The following DNAH9 variants were observed in gnomAD, a reference collection of about 807,000 sequenced individuals.
DNAH9 encodes the protein dynein axonemal heavy chain 9.
Under a neutral mutation model 471.6 loss-of-function variants are expected in DNAH9, and 345 were observed. That is an observed-to-expected ratio of 0.73 (90% CI 0.67 to 0.80). DNAH9 has a LOEUF of 0.80. Among genes scored for constraint, DNAH9 ranks in the 30% least tolerant of loss-of-function variants. The pLI, the probability that DNAH9 is intolerant of heterozygous loss-of-function variation, is 0.00. For synonymous variants in DNAH9, 2,093 were observed against 2,123.6 expected (o/e 0.99, Z 0.40); for missense variants, 5,407 against 5,609.2 (o/e 0.96, Z 1.15).
At chr17:11,922,550 G>A (rs1414033446) in intron 61 of DNAH9, among the ~76,000 whole-genome samples, 2 of 152,168 alleles carry the variant, frequency 1.3e-5, no homozygotes, top group African/African-American at 4.8e-5. Context: ...CACTGGTCTT[G>A]CTTCAGTGGT....
chr17:11,822,284 T>G (rs925266079), intron 46 of DNAH9, among the ~76,000 whole-genome samples, 154 bp from the exon 47 acceptor site: 1 of 152,210 alleles, frequency 6.6e-6, no homozygotes, highest in Admixed American at 6.5e-5. Context: ...TTTTGATCTC[T>G]TGGCTGGTGA....
At chr17:11,841,691 C>T (rs1216432217) in intron 49 of DNAH9, among the ~76,000 whole-genome samples, 1 of 152,020 alleles carries the variant, frequency 6.6e-6, no homozygotes, top group African/African-American at 2.4e-5. Flanking sequence ...GGATAAAGAT[C>T]TTGGGGCCCA....
chr17:11,914,345 AT>A (rs1973874593), intron 61 of DNAH9, among the ~76,000 whole-genome samples: 1 of 152,186 alleles, frequency 6.6e-6, no homozygotes, highest in Admixed American at 6.5e-5. Context: ...CTTCTTGAAG[AT>A]ACTCTCCCTG....
intron 17 of DNAH9, among the ~76,000 whole-genome samples, chr17:11,673,854 A>T (rs2074009415): frequency 6.6e-6 from 1 of 152,206 alleles, no homozygotes; most frequent in Non-Finnish European, 1.5e-5. Context: ...GTATGTGTGT[A>T]TGTATATGGA....
chr17:11,836,154 T>G (rs148001478), intron 49 of DNAH9, among the ~76,000 whole-genome samples: 175 of 152,306 alleles, frequency 1.1e-3, no homozygotes, highest in Non-Finnish European at 1.5e-3. Flanking sequence ...GGAAGTTTCC[T>G]CTTAATCTCT....
At chr17:11,872,747 C>T (rs1478157479) in intron 52 of DNAH9, among the ~76,000 whole-genome samples, 3 of 152,100 alleles carry the variant, frequency 2.0e-5, no homozygotes, top group Admixed American at 6.5e-5. Flanking sequence ...AGTGAAACCA[C>T]GTCTCTACTA....
chr17:11,855,056 A>T (rs1971574433), intron 50 of DNAH9, among the ~76,000 whole-genome samples: 1 of 152,006 alleles, frequency 6.6e-6, no homozygotes. Flanking sequence ...AATTGAAAGG[A>T]TCAGAATTCA....
intron 57 of DNAH9, among the ~76,000 whole-genome samples, chr17:11,890,678 TTTG>T (rs757168493): frequency 4.5e-4 from 68 of 152,174 alleles, no homozygotes; most frequent in Non-Finnish European, 6.9e-4. Context: ...TTTTGTTGTT[TTTG>T]TTGTTGTTGT....
chr17:11,716,077 T>C (rs546335413), intron 26 of DNAH9, among the ~76,000 whole-genome samples: 21 of 144,364 alleles, frequency 1.5e-4, no homozygotes, highest in African/African-American at 5.6e-4. Context: ...TTTCTTTTTC[T>C]TTCTCTTTTT....
intron 13 of DNAH9, among the ~76,000 whole-genome samples, chr17:11,651,891 T>C (rs527567928): frequency 6.6e-6 from 1 of 152,108 alleles, no homozygotes; most frequent in East Asian, 1.9e-4. Flanking sequence ...AAAGCCATCA[T>C]AGAGGTAAAA....
intron 22 of DNAH9, among the ~76,000 whole-genome samples, 179 bp downstream of exon 22, chr17:11,694,626 CTTTCTTGCTTTCTT>C (rs1567724487): frequency 0.071 from 315 of 4,464 alleles, 24 homozygotes; most frequent in Admixed American, 0.079. Context: ...TGCTTTCTTG[CTTTCTTGCTTTCTT>C]GCTTTCTCGC....
At chr17:11,946,352 C>T (rs1271386484) in intron 67 of DNAH9, among the ~76,000 whole-genome samples, 5 of 151,796 alleles carry the variant, frequency 3.3e-5, no homozygotes, top group Non-Finnish European at 7.4e-5. Flanking sequence ...CTGACACCAT[C>T]ACACGTTTGA....
intron 50 of DNAH9, among the ~76,000 whole-genome samples, chr17:11,867,210 ATTTTCT>A (rs1972093113): frequency 6.6e-6 from 1 of 151,964 alleles, no homozygotes; most frequent in Non-Finnish European, 1.5e-5. Flanking sequence ...GTAAAGATTC[ATTTTCT>A]TCAGCTCTAG....
intron 60 of DNAH9, among the ~76,000 whole-genome samples, chr17:11,904,427 G>A (rs1413271298): frequency 1.3e-5 from 2 of 151,894 alleles, no homozygotes; most frequent in African/African-American, 2.4e-5. Context: ...TCAGGAGTTC[G>A]AGACCAGCCT....
chr17:11,863,339 A>G (rs1341547630), intron 50 of DNAH9, among the ~76,000 whole-genome samples: 2 of 152,110 alleles, frequency 1.3e-5, no homozygotes, highest in African/African-American at 4.8e-5. Flanking sequence ...ATTTGTGTAT[A>G]TTGAACCAGC....
At chr17:11,741,014 A>G (rs912641231) in intron 29 of DNAH9, among the ~76,000 whole-genome samples, 9 of 152,076 alleles carry the variant, frequency 5.9e-5, no homozygotes, top group Non-Finnish European at 1.3e-4. Context: ...CTTTCACACC[A>G]CTATTTTTCA....
At chr17:11,806,522 T>A (rs1969687797) in intron 43 of DNAH9, among the ~76,000 whole-genome samples, 1 of 152,146 alleles carries the variant, frequency 6.6e-6, no homozygotes, top group Non-Finnish European at 1.5e-5. Flanking sequence ...TAGCTGAATT[T>A]TTAATGGCTT....
intron 49 of DNAH9, among the ~76,000 whole-genome samples, chr17:11,838,895 T>C (rs1237823870): frequency 6.6e-6 from 1 of 152,226 alleles, no homozygotes; most frequent in Non-Finnish European, 1.5e-5. Context: ...TTAAGGACCA[T>C]TTCTCTGTTT....
At chr17:11,609,539 C>T (rs917472652) in intron 2 of DNAH9, among the ~76,000 whole-genome samples, 6 of 152,014 alleles carry the variant, frequency 3.9e-5, no homozygotes, top group Admixed American at 1.3e-4. Context: ...TCACTTGTGC[C>T]GTATCATTTC....
Sources: allele counts gnomAD v4.1 joint callset (sites outside exome capture counted in the v4.1 genomes callset), GRCh38; gene constraint gnomAD v4.1.1; transcripts MANE v1.5; gene names NCBI Gene and HGNC (gene_info 2026-07-23, HGNC 2026-07-21).